CEP135: variants seen among roughly 807,000 people sequenced by gnomAD.
CEP135 encodes the protein centrosomal protein of 135 kDa.
CEP135 carries 142 observed loss-of-function variants against 157.3 expected under a neutral mutation model. The ratio of observed to expected loss-of-function variants is 0.90; its 90% confidence interval spans 0.79 to 1.04. The LOEUF (loss-of-function observed/expected upper bound fraction) is 1.04. Among genes scored for constraint, CEP135 ranks in the 50% least tolerant of loss-of-function variants. The pLI is 0.00. For synonymous variants in CEP135, 396 were observed against 439.8 expected, an observed-to-expected ratio of 0.90 and a Z score of 1.25; for missense variants, 1,317 against 1,309.2, an observed-to-expected ratio of 1.01 and a Z score of -0.09.
In CEP135 at chr4:55,965,993, T is replaced by A. The variant is rs868200602; in HGVS notation, c.1044+134T>A. On this transcript the variant is annotated intron_variant, in intron 8 of 25. Coordinates refer to ENST00000257287, the MANE Select transcript of CEP135 (RefSeq NM_025009.5). Reference sequence around the variant, plus strand: ...GTCTGTTTTTGTTTTTTTGCTTTGGTAATTCAGGGTTTTCTGAAGTGTTGT... The same window carrying A: ...GTCTGTTTTTGTTTTTTTGCTTTGGAAATTCAGGGTTTTCTGAAGTGTTGT... 2.0e-5 allele frequency: 14 copies of A among 697,570 alleles called. No individual in the cohort carries two copies. The Middle Eastern group carries it at 3.5e-3, about 174-fold the overall frequency. The allele number at this position is 697,570 out of a possible 1,614,324, so 43.2% of individuals were successfully genotyped here. A position where few individuals can be genotyped will look rare whatever the true frequency, so the allele number is the denominator to read the frequency against.
At chr4:55,986,821 C>G (rs1291853168) in intron 14 of CEP135, among the ~76,000 whole-genome samples, 1 of 152,170 alleles carries the variant, frequency 6.6e-6, no homozygotes, top group Non-Finnish European at 1.5e-5. Flanking sequence ...TGGCTGGCTT[C>G]TATTACTATG....
At chr4:55,995,928 A>G (rs1357311041) in intron 15 of CEP135, among the ~76,000 whole-genome samples, 1 of 152,170 alleles carries the variant, frequency 6.6e-6, no homozygotes, top group Non-Finnish European at 1.5e-5. Flanking sequence ...TTATCTGTGT[A>G]TGTTCAAAAC....
chr4:55,999,538 A>T lies in CEP135; in HGVS notation c.2173A>T (p.Met725Leu). The T allele has an allele frequency of 6.2e-7, 1 of 1,611,460 alleles. No homozygotes were observed. ...TTCACAGGATGAGGAGGCTCATGTA[A>T]TGAAAAAGACCATTGGTGTTATTGA... ...MTSQDEEAHV[M>L]KKTIGVIDKE... is the part of the protein sequence containing the mutation. Residue 725 changes from methionine (M) to leucine (L), a missense_variant, in exon 17 of 26, where the codon ATG becomes TTG. Transcript: ENST00000257287.
At chr4:56,013,166 G>T (rs1730651508) in intron 21 of CEP135, among the ~76,000 whole-genome samples, 1 of 152,098 alleles carries the variant, frequency 6.6e-6, no homozygotes, top group African/African-American at 2.4e-5. Flanking sequence ...CTTTTCATTT[G>T]TTTATTGACG....
intron 17 of CEP135, among the ~76,000 whole-genome samples, chr4:56,007,870 G>A (rs1730411715): frequency 6.6e-6 from 1 of 152,140 alleles, no homozygotes; most frequent in African/African-American, 2.4e-5. Flanking sequence ...TAGTGCTGAT[G>A]ATAATGTTAG....
intron 17 of CEP135, 38 bp from the exon 18 acceptor site, chr4:56,008,289 T>G: frequency 6.9e-7 from 1 of 1,447,988 alleles, no homozygotes; most frequent in Non-Finnish European, 9.7e-7. Flanking sequence ...TAAAGACATT[T>G]TGGTTTAAAA....
chr4:56,018,348 T>C (rs1730853303), intron 22 of CEP135, among the ~76,000 whole-genome samples: 1 of 152,190 alleles, frequency 6.6e-6, no homozygotes, highest in Non-Finnish European at 1.5e-5. Context: ...GCAAGATTTC[T>C]CAGGCAAACG....
In CEP135 at chr4:55,951,765, A is replaced by G. The variant is rs577263129; in HGVS notation, c.-45-321A>G. ...AATTTTGATGAAGTCCAATTTATCA[A>G]ATTTATCTTTTATGTTTAGTGCTTT... On this transcript the variant is annotated intron_variant, in intron 1 of 25. Transcript: ENST00000257287. 1.6e-4 allele frequency among the ~76,000 whole-genome samples: 25 copies of G among 152,228 alleles called. No individual in the cohort carries two copies. In the East Asian group the frequency reaches 4.2e-3, roughly 26 times the overall value.
intron 6 of CEP135, among the ~76,000 whole-genome samples, chr4:55,962,961 TTGGGTGGAG>T (rs1728730848): frequency 6.6e-6 from 1 of 152,156 alleles, no homozygotes; most frequent in African/African-American, 2.4e-5. Flanking sequence ...GCATTTCCAC[TTGGGTGGAG>T]TCTTTTTGTA....
rs368207990 is a variant in CEP135 at position 55,950,247 on chromosome 4, TG to T, written c.-46+1190del. 3.5e-4 allele frequency among the ~76,000 whole-genome samples: 53 copies of T among 152,330 alleles called. 1 individual carries two copies. In the East Asian group the frequency reaches 0.01, roughly 29 times the overall value. ...CACCTACTTTGTGGCCCCGTGGTTT[TG>T]GAAGAGTTACTTTCTTGAGGCAGCC... On this transcript the variant is annotated intron_variant, in intron 1 of 25. Transcript: ENST00000257287.
chr4:56,027,188 T>C (rs1182409477), intron 25 of CEP135, among the ~76,000 whole-genome samples: 1 of 152,236 alleles, frequency 6.6e-6, no homozygotes, highest in Admixed American at 6.5e-5. Context: ...CAGATGGTGG[T>C]TCACCTTCTT....
chr4:55,964,958 A>G (rs35032869), intron 7 of CEP135: 15,369 of 152,162 alleles, frequency 0.1, 1,139 homozygotes, highest in East Asian at 0.26. Flanking sequence ...TCCATGCAGT[A>G]TGACACAGGA....
At chr4:55,962,730 CTT>C (rs56378859) in intron 6 of CEP135, among the ~76,000 whole-genome samples, 91 of 125,298 alleles carry the variant, frequency 7.3e-4, no homozygotes, top group Middle Eastern at 4.6e-3. Context: ...TTTTAAGCCT[CTT>C]TTTTTTTTTT....
At chr4:55,980,398 A>T (rs1417977276) in intron 12 of CEP135, 103 bp downstream of exon 12, 4 of 628,146 alleles carry the variant, frequency 6.4e-6, no homozygotes, top group Non-Finnish European at 1.0e-5. Context: ...TGGACCTGTG[A>T]TATTTCTTCA....
chr4:55,966,501 T>G (rs189013745), intron 8 of CEP135: 1 of 152,706 alleles, frequency 6.5e-6, no homozygotes. Flanking sequence ...TTGTGTTTTT[T>G]GAGACATGGT....
intron 14 of CEP135, among the ~76,000 whole-genome samples, chr4:55,989,389 C>A (rs754267620): frequency 6.6e-6 from 1 of 152,194 alleles, no homozygotes; most frequent in Non-Finnish European, 1.5e-5. Flanking sequence ...ATATTGTCCT[C>A]ATTTCACAAA....
At position 56,024,547 on chromosome 4, in the gene CEP135, C is replaced by A. The variant is rs776920049; in HGVS notation, c.3367C>A (p.Pro1123Thr). ...GCGTCGACATGGTCTTGCTACACCA[C>A]CCCTTAGTTCCACTCTGAGGTCTCC... is the stretch of plus-strand genomic sequence containing the variant. ...EMRRHGLATPPLSSTLRSPSH... is the reference protein window; with the variant it reads ...EMRRHGLATPTLSSTLRSPSH... The change falls in exon 25 of 26, where the codon CCC (proline) becomes ACC (threonine). Residue 1123 changes from proline (P) to threonine (T), a missense_variant. Coordinates refer to ENST00000257287, the MANE Select transcript of CEP135 (RefSeq NM_025009.5). The A allele has an allele frequency of 6.8e-6, 11 of 1,613,926 alleles. No homozygotes were observed. The highest frequency in any genetic ancestry group is 8.5e-7 in the Non-Finnish European group (1 of 1,179,870).
chr4:55,971,273 T>C lies in CEP135; in HGVS notation c.1114T>C (p.Leu372=). The C allele has an allele frequency of 6.3e-7, 1 of 1,575,432 alleles. No individual in the cohort carries two copies. The highest frequency in any genetic ancestry group is 8.6e-7 in the Non-Finnish European group (1 of 1,167,032). ...ATTATAGTATTAAAATTTGCAGGAA[T>C]TGAACTTATGCCAGAAAGAAAAGGA... ...EETMAKLQLE[L]NLCQKEKERL... Residue 372 remains leucine, a synonymous_variant, in exon 10 of 26, where the codon TTG becomes CTG. Transcript: ENST00000257287.
Position 55,992,040 on chromosome 4 carries a change from TGG to T in CEP135, c.1965_1966del (p.Ala656TrpfsTer2), listed in dbSNP as rs779249176. ...GTCCAAGCTCAAAAATTTAGCCATGTGGCTGGTGACTCATCTCATCAGAAAAC... is the reference window on the plus strand; with the variant it reads ...GTCCAAGCTCAAAAATTTAGCCATGTCTGGTGACTCATCTCATCAGAAAAC... On this transcript the variant is annotated frameshift_variant, in exon 15 of 26. Transcript: ENST00000257287. LOFTEE classifies it high-confidence loss of function. 1 of 1,609,108 alleles carries T rather than the reference TGG, an allele frequency of 6.2e-7. No homozygotes were observed. The highest frequency in any genetic ancestry group is 8.5e-7 in the Non-Finnish European group (1 of 1,178,588).
Sources: gnomAD v4.1 joint callset for allele counts (sites outside exome capture counted in the v4.1 genomes callset) on GRCh38, gnomAD v4.1.1 for gene constraint, MANE v1.5 for transcripts, NCBI Gene and HGNC (gene_info 2026-07-23, HGNC 2026-07-21) for gene names.